VAT1L: variants seen among roughly 807,000 people sequenced by gnomAD.
The protein encoded by VAT1L is putative NADPH-dependent quinone oxidoreductase VAT1L.
A neutral mutation model predicts 44.1 loss-of-function variants in VAT1L; 34 were observed. The ratio of observed to expected loss-of-function variants is 0.77; its 90% CI spans 0.59 to 1.03. The LOEUF is 1.03. Ranked by LOEUF, VAT1L falls within the 50% of genes least tolerant of loss-of-function variation. VAT1L has a pLI of 0.00. For synonymous variants in VAT1L, 253 were observed against 202.2 expected (o/e 1.25, Z -2.13); for missense variants, 615 against 538.8 (o/e 1.14, Z -1.40).
At chr16:77,935,624 G>A (rs532432636) in intron 7 of VAT1L, among the ~76,000 whole-genome samples, 2 of 151,960 alleles carry the variant, frequency 1.3e-5, no homozygotes, top group African/African-American at 2.4e-5. Flanking sequence ...AGGGATGAGT[G>A]GGGGGAAGAG....
intron 3 of VAT1L, among the ~76,000 whole-genome samples, chr16:77,837,209 A>G (rs2016649365): frequency 6.6e-6 from 1 of 152,158 alleles, no homozygotes; most frequent in African/African-American, 2.4e-5. Flanking sequence ...TGAGTTAAGG[A>G]TTGCCTGGGT....
At chr16:77,840,560 T>C (rs994022749) in intron 3 of VAT1L, among the ~76,000 whole-genome samples, 1 of 152,218 alleles carries the variant, frequency 6.6e-6, no homozygotes, top group African/African-American at 2.4e-5. Flanking sequence ...AAAATCTGTC[T>C]GGTATTCAGA....
At chr16:77,812,987 T>C (rs1597174006) in intron 1 of VAT1L, among the ~76,000 whole-genome samples, 1 of 152,166 alleles carries the variant, frequency 6.6e-6, no homozygotes, top group South Asian at 2.1e-4. Flanking sequence ...TTTTTTGCAA[T>C]GATCTGAAAT....
Position 77,900,985 on chromosome 16 carries a change from G to A in VAT1L, c.1077+16183G>A, listed in dbSNP as rs150109482. Among the ~76,000 whole-genome samples, 710 of 152,116 alleles carry A rather than the reference G, an allele frequency of 4.7e-3. 11 individuals carry two copies. Among genetic ancestry groups the A allele is most frequent in the African/African-American group, 0.016 (660 of 41,508 alleles). On this transcript the variant is annotated intron_variant, in intron 7 of 8. Transcript: ENST00000302536. Reference sequence around the variant, plus strand: ...GCATTTGCTTTGGGTCAGCATCATTGACAGAGCAAGGGCGAGGAAGTTCAC... The same window carrying A: ...GCATTTGCTTTGGGTCAGCATCATTAACAGAGCAAGGGCGAGGAAGTTCAC...
Position 77,884,580 on chromosome 16 carries a change from T to C in VAT1L, c.883-28T>C. 1 of 1,603,450 alleles carries C rather than the reference T, an allele frequency of 6.2e-7. No homozygotes were observed. Reference sequence around the variant, plus strand: ...AGGCTTAACCCCGGTATTGAGTTCCTATAACCCAATACCACCTCTCTTTGC... The same window carrying C: ...AGGCTTAACCCCGGTATTGAGTTCCCATAACCCAATACCACCTCTCTTTGC... On this transcript the variant is annotated intron_variant, in intron 6 of 8. Coordinates refer to ENST00000302536, the MANE Select transcript of VAT1L (RefSeq NM_020927.3). The surrounding 1 kb of genome is among the most constrained non-coding windows in gnomAD (Gnocchi z 4.5).
chr16:77,926,257 TAAAA>T (rs34182080), intron 7 of VAT1L, among the ~76,000 whole-genome samples: 6 of 112,786 alleles, frequency 5.3e-5, no homozygotes, highest in Non-Finnish European at 5.4e-5. Context: ...CGTCTCAAAG[TAAAA>T]AAAAAAAAAA....
At chr16:77,837,197 C>T (rs532302550) in intron 3 of VAT1L, among the ~76,000 whole-genome samples, 6 of 152,128 alleles carry the variant, frequency 3.9e-5, no homozygotes, top group African/African-American at 7.2e-5. Flanking sequence ...ACTTTGCCTC[C>T]GTGAGTTAAG....
chr16:77,874,265 G>A (rs994985368), intron 4 of VAT1L, among the ~76,000 whole-genome samples: 1 of 152,082 alleles, frequency 6.6e-6, no homozygotes, highest in African/African-American at 2.4e-5. Context: ...GATGGCTCAG[G>A]AGGGTGGGCT....
intron 2 of VAT1L, among the ~76,000 whole-genome samples, chr16:77,819,959 A>C (rs932564046): frequency 3.3e-5 from 5 of 152,164 alleles, no homozygotes; most frequent in African/African-American, 1.2e-4. Context: ...GTATTATGCC[A>C]TTTAGTTTTC....
At chr16:77,976,418 G>A (rs2018340633) in intron 8 of VAT1L, among the ~76,000 whole-genome samples, 1 of 152,190 alleles carries the variant, frequency 6.6e-6, no homozygotes, top group Non-Finnish European at 1.5e-5. Context: ...GTAGAGGAAT[G>A]ACATTCCAGG....
At chr16:77,897,160 AC>A (rs1463960511) in intron 7 of VAT1L, among the ~76,000 whole-genome samples, 1 of 152,250 alleles carries the variant, frequency 6.6e-6, no homozygotes, top group East Asian at 1.9e-4. Flanking sequence ...CTTGGGACGT[AC>A]ATTTAAATCA....
At chr16:77,907,609 C>T (rs1737663695) in intron 7 of VAT1L, among the ~76,000 whole-genome samples, 1 of 104,172 alleles carries the variant, frequency 9.6e-6, no homozygotes. Context: ...TTACTTCCAA[C>T]ACAAAGATAT....
intron 7 of VAT1L, among the ~76,000 whole-genome samples, chr16:77,950,697 T>C (rs1266954764): frequency 6.6e-6 from 1 of 152,236 alleles, no homozygotes; most frequent in African/African-American, 2.4e-5. Context: ...CTCCAGTTTT[T>C]TGCTTTTAAA....
intron 7 of VAT1L, among the ~76,000 whole-genome samples, chr16:77,956,995 T>C (rs1262666306): frequency 6.6e-6 from 1 of 152,176 alleles, no homozygotes; most frequent in Non-Finnish European, 1.5e-5. Flanking sequence ...GCCCTTTTTC[T>C]CCAAGCCTAA....
At chr16:77,921,806 C>G (rs1242918244) in intron 7 of VAT1L, among the ~76,000 whole-genome samples, 1 of 152,158 alleles carries the variant, frequency 6.6e-6, no homozygotes, top group Non-Finnish European at 1.5e-5. Flanking sequence ...TGCAGTGGCA[C>G]AATGACAGCT....
intron 7 of VAT1L, among the ~76,000 whole-genome samples, chr16:77,928,025 C>T (rs1037259125): frequency 2.0e-5 from 3 of 152,174 alleles, no homozygotes; most frequent in Non-Finnish European, 4.4e-5. Flanking sequence ...GATGCCTCTT[C>T]CATACAATAT....
chr16:77,861,838 G>A lies in VAT1L; in HGVS notation c.580-910G>A, dbSNP rs543292076. Among the ~76,000 whole-genome samples, 46 of 152,312 alleles carry A rather than the reference G, an allele frequency of 3.0e-4. 1 individual carries two copies. In the South Asian group the frequency reaches 8.5e-3, roughly 28 times the overall value. ...CTCATGGTTGGGATAACTCAGAGGC[G>A]TATTCTACACTTGCTCACAGGGTTC... On this transcript the variant is annotated intron_variant, in intron 3 of 8. Transcript: ENST00000302536.
intron 2 of VAT1L, among the ~76,000 whole-genome samples, chr16:77,821,313 T>G (rs922785064): frequency 6.6e-6 from 1 of 151,784 alleles, no homozygotes; most frequent in Non-Finnish European, 1.5e-5. Context: ...TTTTTTTTTT[T>G]TTTCGAGATG....
chr16:77,948,781 T>G (rs1330658162), intron 7 of VAT1L, among the ~76,000 whole-genome samples: 3 of 152,242 alleles, frequency 2.0e-5, no homozygotes, highest in African/African-American at 7.2e-5. Context: ...ACTATGTTTA[T>G]GACCTTAGGC....
Sources: allele counts gnomAD v4.1 joint callset (sites outside exome capture counted in the v4.1 genomes callset), GRCh38; gene constraint gnomAD v4.1.1; non-coding constraint Gnocchi (gnomAD v3.1); transcripts MANE v1.5; gene names NCBI Gene and HGNC (gene_info 2026-07-23, HGNC 2026-07-21).